ZMAT4: variants seen among roughly 807,000 people sequenced by gnomAD.
ZMAT4 encodes the protein zinc finger matrin-type 4, also known as zinc finger matrin-type protein 4.
ZMAT4 carries 17 observed loss-of-function variants against 28.7 expected under a neutral mutation model. The observed-to-expected ratio is 0.59, with a 90% CI of 0.41 to 0.89. The LOEUF is 0.89. Ranked by LOEUF, ZMAT4 falls within the 40% of genes least tolerant of loss-of-function variation. ZMAT4 has a pLI of 0.00. For missense variants in ZMAT4, 240 were observed against 283.8 expected (o/e 0.85, Z 1.11); for synonymous variants, 117 against 109.2 (o/e 1.07, Z -0.44).
chr8:40,559,437 A>G (rs956909029), intron 6 of ZMAT4, among the ~76,000 whole-genome samples: 4 of 152,034 alleles, frequency 2.6e-5, no homozygotes, highest in African/African-American at 4.8e-5. Context: ...CTCCTAACAT[A>G]ACCTAACCCC....
chr8:40,646,381 C>T (rs1210615954), intron 5 of ZMAT4, among the ~76,000 whole-genome samples: 2 of 151,698 alleles, frequency 1.3e-5, no homozygotes, highest in Non-Finnish European at 2.9e-5. Flanking sequence ...TTATTGTAAA[C>T]ATACTTTAAC....
intron 3 of ZMAT4, among the ~76,000 whole-genome samples, chr8:40,763,204 G>T (rs540870466): frequency 6.6e-6 from 1 of 152,176 alleles, no homozygotes; most frequent in Non-Finnish European, 1.5e-5. Flanking sequence ...CCTGATCTGT[G>T]TTGGGGAAGG....
intron 3 of ZMAT4, among the ~76,000 whole-genome samples, chr8:40,733,440 G>T (rs1257261352): frequency 3.9e-5 from 6 of 152,134 alleles, no homozygotes; most frequent in Admixed American, 6.5e-5. Context: ...TTAACTCACA[G>T]GACTTGTGTT....
chr8:40,827,089 T>C (rs748264389), intron 1 of ZMAT4, among the ~76,000 whole-genome samples: 1 of 152,182 alleles, frequency 6.6e-6, no homozygotes, highest in East Asian at 1.9e-4. Flanking sequence ...ACATTGCTAG[T>C]CATTTGCATA....
chr8:40,642,764 AGAG>A (rs1807100443), intron 5 of ZMAT4, among the ~76,000 whole-genome samples: 1 of 152,226 alleles, frequency 6.6e-6, no homozygotes, highest in Admixed American at 6.5e-5. Flanking sequence ...TACCAGATTT[AGAG>A]GAGGAGCACT....
At chr8:40,764,925 A>G (rs1190970039) in intron 3 of ZMAT4, among the ~76,000 whole-genome samples, 1 of 151,980 alleles carries the variant, frequency 6.6e-6, no homozygotes, top group Non-Finnish European at 1.5e-5. Context: ...TCTGATTCCT[A>G]AACTCAAGCA....
intron 1 of ZMAT4, among the ~76,000 whole-genome samples, chr8:40,844,590 C>G (rs1319713655): frequency 6.6e-6 from 1 of 151,876 alleles, no homozygotes; most frequent in Admixed American, 6.6e-5. Flanking sequence ...AAATAAATCT[C>G]ATATATGTAT....
intron 5 of ZMAT4, among the ~76,000 whole-genome samples, chr8:40,623,059 G>T (rs1806253632): frequency 6.6e-6 from 1 of 152,140 alleles, no homozygotes; most frequent in South Asian, 2.1e-4. Flanking sequence ...AAGTACTGGG[G>T]ACACCAAGAC....
intron 5 of ZMAT4, among the ~76,000 whole-genome samples, chr8:40,652,868 G>C (rs1440052986): frequency 1.1e-5 from 1 of 92,044 alleles, no homozygotes; most frequent in Non-Finnish European, 2.5e-5. Context: ...TCACTCATAG[G>C]TGGGAATTGA....
chr8:40,775,572 T>C (rs1813557802), intron 2 of ZMAT4, among the ~76,000 whole-genome samples: 1 of 152,116 alleles, frequency 6.6e-6, no homozygotes. Flanking sequence ...AGGCAGTGTG[T>C]TGAGGAAGAG....
chr8:40,820,190 G>A lies in ZMAT4; in HGVS notation c.102+5385C>T, dbSNP rs927974066. Among the ~76,000 whole-genome samples the A allele has an allele frequency of 6.0e-4, 91 of 151,194 alleles. 1 individual carries two copies. The highest frequency in any genetic ancestry group is 1.9e-3 in the African/African-American group (77 of 41,226). On this transcript the variant is annotated intron_variant, in intron 2 of 6. Coordinates refer to ENST00000297737, the MANE Select transcript of ZMAT4 (RefSeq NM_024645.3). Reference sequence around the variant, plus strand: ...TGTGTGTGTGTGTGTGTGTGTGGGCGGGTGTGTATGTGTGTGTTTATGTGT... The same window carrying A: ...TGTGTGTGTGTGTGTGTGTGTGGGCAGGTGTGTATGTGTGTGTTTATGTGT...
intron 6 of ZMAT4, among the ~76,000 whole-genome samples, chr8:40,557,897 T>C (rs1803599696): frequency 1.3e-5 from 2 of 152,004 alleles, no homozygotes; most frequent in Admixed American, 1.3e-4. Flanking sequence ...ATTGATATGA[T>C]AAAAAGATGG....
At chr8:40,831,791 C>T (rs569823289) in intron 1 of ZMAT4, among the ~76,000 whole-genome samples, 3 of 152,302 alleles carry the variant, frequency 2.0e-5, no homozygotes, top group Non-Finnish European at 4.4e-5. Context: ...TCTCCAGTAT[C>T]GGGCATTGTG....
chr8:40,764,187 T>A (rs190529572), intron 3 of ZMAT4, among the ~76,000 whole-genome samples: 10 of 152,302 alleles, frequency 6.6e-5, no homozygotes, highest in African/African-American at 2.2e-4. Flanking sequence ...AAAATTTCTC[T>A]AAGGCAATTG....
At chr8:40,700,058 T>G (rs539828898) in intron 3 of ZMAT4, among the ~76,000 whole-genome samples, 5 of 152,210 alleles carry the variant, frequency 3.3e-5, no homozygotes, top group African/African-American at 4.8e-5. Context: ...TGGTATGTAT[T>G]TACCCAACAC....
At chr8:40,678,825 GA>G (rs1205598798) in intron 4 of ZMAT4, among the ~76,000 whole-genome samples, 1 of 152,108 alleles carries the variant, frequency 6.6e-6, no homozygotes, top group African/African-American at 2.4e-5. Flanking sequence ...AACCTGACCT[GA>G]AGTCACATGA....
At chr8:40,680,859 G>C (rs1000861886) in intron 4 of ZMAT4, among the ~76,000 whole-genome samples, 8 of 151,580 alleles carry the variant, frequency 5.3e-5, no homozygotes, top group Non-Finnish European at 1.0e-4. Context: ...TGCTTTCTAG[G>C]CTTTAGGATA....
At chr8:40,836,862 G>A (rs962225278) in intron 1 of ZMAT4, among the ~76,000 whole-genome samples, 3 of 152,182 alleles carry the variant, frequency 2.0e-5, no homozygotes, top group Admixed American at 6.5e-5. Flanking sequence ...TGCTCATTCT[G>A]TTATTAACGA....
intron 2 of ZMAT4, among the ~76,000 whole-genome samples, chr8:40,785,586 A>G (rs540970649): frequency 1.4e-4 from 21 of 152,312 alleles, no homozygotes; most frequent in African/African-American, 4.3e-4. Context: ...TCAGGATTCT[A>G]TAATTTCTTC....
Sources: allele counts gnomAD v4.1 joint callset (sites outside exome capture counted in the v4.1 genomes callset), GRCh38; gene constraint gnomAD v4.1.1; transcripts MANE v1.5; gene names NCBI Gene and HGNC (gene_info 2026-07-23, HGNC 2026-07-21).